MNAT1: variants seen among roughly 807,000 people sequenced by gnomAD.
MNAT1 encodes MNAT1 component of CDK activating kinase.
MNAT1 carries 43 observed loss-of-function variants against 42.0 expected under a neutral mutation model. The ratio of observed to expected loss-of-function variants is 1.02; its 90% CI spans 0.80 to 1.32. The LOEUF is 1.32. Ranked by LOEUF, MNAT1 falls within the 40% of genes most tolerant of loss-of-function variation. The pLI is 0.00. For synonymous variants in MNAT1, 118 were observed against 120.0 expected (o/e 0.98, Z 0.11); for missense variants, 306 against 350.4 (o/e 0.87, Z 1.01).
At chr14:60,769,410 C>A (rs1335124267) in intron 1 of MNAT1, among the ~76,000 whole-genome samples, 2 of 151,920 alleles carry the variant, frequency 1.3e-5, no homozygotes, top group Non-Finnish European at 2.9e-5. Context: ...TAGCTGGGAC[C>A]ACAGGCATAT....
Position 60,869,040 on chromosome 14 carries a change from A to ATATATATATATATATAT in MNAT1, c.688-10673_688-10672insATATATATATATATATT, listed in dbSNP as rs1465360826. On this transcript the variant is annotated intron_variant, in intron 6 of 7. Transcript: ENST00000261245. ...ATTTTATACATATATATATATATAT[A>ATATATATATATATATAT]TTTTTTTTTTTTTTTTTGAGACGGA... Among the ~76,000 whole-genome samples, 251 of 113,002 alleles carry ATATATATATATATATAT rather than the reference A, an allele frequency of 2.2e-3. 3 individuals carry two copies. Among genetic ancestry groups the ATATATATATATATATAT allele is most frequent in the Middle Eastern group, 0.01 (2 of 198 alleles). 74.1% of individuals were successfully genotyped at this position (113,002 alleles called of 152,430 possible). A position where few individuals can be genotyped will look rare whatever the true frequency, so the allele number is the denominator to read the frequency against.
At chr14:60,865,082 A>G (rs1214465361) in intron 6 of MNAT1, among the ~76,000 whole-genome samples, 1 of 152,050 alleles carries the variant, frequency 6.6e-6, no homozygotes, top group African/African-American at 2.4e-5. Flanking sequence ...TTCCTGATAC[A>G]TACCAACTAC....
chr14:60,808,664 C>T (rs1000513898), intron 4 of MNAT1: 2 of 245,472 alleles, frequency 8.1e-6, no homozygotes, highest in Middle Eastern at 1.2e-3. Flanking sequence ...GAAGTGGATC[C>T]GTAAGATAGG....
chr14:60,738,459 T>G (rs1407655761), intron 1 of MNAT1, among the ~76,000 whole-genome samples: 3 of 152,078 alleles, frequency 2.0e-5, no homozygotes, highest in African/African-American at 4.8e-5. Flanking sequence ...TTTCACTATG[T>G]TGGCCAGGCT....
chr14:60,753,786 A>G (rs563217226), intron 1 of MNAT1: 1 of 152,256 alleles, frequency 6.6e-6, no homozygotes, highest in Non-Finnish European at 1.5e-5. Context: ...CTTGAATCCA[A>G]GAGGGCTCCC....
intron 6 of MNAT1, among the ~76,000 whole-genome samples, chr14:60,820,619 T>G (rs989173470): frequency 2.0e-5 from 3 of 152,078 alleles, no homozygotes; most frequent in Non-Finnish European, 4.4e-5. Flanking sequence ...TTTTAAAATT[T>G]ATCTTGAATT....
chr14:60,828,486 C>G (rs2033118995), intron 6 of MNAT1, among the ~76,000 whole-genome samples: 1 of 151,768 alleles, frequency 6.6e-6, no homozygotes, highest in Non-Finnish European at 1.5e-5. Context: ...CTCATTTTCC[C>G]CTGCTGCACA....
chr14:60,826,197 C>T (rs749903279), intron 6 of MNAT1, among the ~76,000 whole-genome samples: 1 of 151,824 alleles, frequency 6.6e-6, no homozygotes. Flanking sequence ...ATTAAACTGT[C>T]AGGGAGTGGA....
chr14:60,850,726 T>C (rs1027083160), intron 6 of MNAT1, among the ~76,000 whole-genome samples: 1 of 152,244 alleles, frequency 6.6e-6, no homozygotes, highest in East Asian at 1.9e-4. Flanking sequence ...AGTTCCTCCA[T>C]GGATAACATG....
chr14:60,831,794 A>G (rs1051425182), intron 6 of MNAT1, among the ~76,000 whole-genome samples: 3 of 152,152 alleles, frequency 2.0e-5, no homozygotes, highest in African/African-American at 7.2e-5. Flanking sequence ...ACTCCCACCA[A>G]CAGTGTAAAA....
chr14:60,809,963 T>C (rs1362034894), intron 4 of MNAT1, among the ~76,000 whole-genome samples: 1 of 152,122 alleles, frequency 6.6e-6, no homozygotes, highest in Non-Finnish European at 1.5e-5. Context: ...TTTGGCAGAA[T>C]TCACCACTGC....
At chr14:60,766,513 A>T (rs1211124238) in intron 1 of MNAT1, among the ~76,000 whole-genome samples, 2 of 152,076 alleles carry the variant, frequency 1.3e-5, no homozygotes, top group African/African-American at 2.4e-5. Context: ...GGAGATCGAG[A>T]CCATCCTGGC....
At chr14:60,788,209 AT>A (rs1297929326) in intron 1 of MNAT1, among the ~76,000 whole-genome samples, 1 of 152,136 alleles carries the variant, frequency 6.6e-6, no homozygotes, top group Non-Finnish European at 1.5e-5. Context: ...GCACATATCC[AT>A]CAGAGGTCTT....
chr14:60,942,688 T>TA, intron 7 of MNAT1, among the ~76,000 whole-genome samples: 1 of 152,042 alleles, frequency 6.6e-6, no homozygotes, highest in East Asian at 1.9e-4. Flanking sequence ...TTTTTATGAA[T>TA]AAAAAAATAG....
At chr14:60,896,068 T>A (rs1424912249) in intron 7 of MNAT1, among the ~76,000 whole-genome samples, 1 of 152,182 alleles carries the variant, frequency 6.6e-6, no homozygotes, top group Non-Finnish European at 1.5e-5. Context: ...TAGGTGATTG[T>A]TACTGAGATC....
chr14:60,879,837 T>A lies in MNAT1; in HGVS notation c.809+2T>A. 1 of 1,611,678 alleles carries A rather than the reference T, an allele frequency of 6.2e-7. No homozygotes were observed. The highest frequency in any genetic ancestry group is 8.5e-7 in the Non-Finnish European group (1 of 1,178,882). On this transcript the variant is annotated splice_donor_variant, in intron 7 of 7. Coordinates refer to ENST00000261245, the MANE Select transcript of MNAT1 (RefSeq NM_002431.4). LOFTEE classifies it high-confidence loss of function. Reference sequence around the variant, plus strand: ...GCTTGAGATGCTAGGAAGACTTGGGTATGTGTCCTAAAGAACTTTACATTG... The same window carrying A: ...GCTTGAGATGCTAGGAAGACTTGGGAATGTGTCCTAAAGAACTTTACATTG...
At chr14:60,847,363 C>T (rs1171222444) in intron 6 of MNAT1, among the ~76,000 whole-genome samples, 5 of 148,248 alleles carry the variant, frequency 3.4e-5, no homozygotes, top group African/African-American at 1.3e-4. Context: ...AAGATCGCAC[C>T]ACTGCAGTCT....
chr14:60,944,535 T>C (rs2036236074), intron 7 of MNAT1, among the ~76,000 whole-genome samples: 1 of 152,102 alleles, frequency 6.6e-6, no homozygotes, highest in South Asian at 2.1e-4. Context: ...AGCCACTGAG[T>C]GTGTGGTATT....
chr14:60,794,832 C>T (rs1160368406), intron 1 of MNAT1, among the ~76,000 whole-genome samples: 2 of 151,728 alleles, frequency 1.3e-5, no homozygotes, highest in East Asian at 1.9e-4. Context: ...GTTAAATACA[C>T]ACTTGGAAGA....
Sources: allele counts gnomAD v4.1 joint callset (sites outside exome capture counted in the v4.1 genomes callset), GRCh38; gene constraint gnomAD v4.1.1; transcripts MANE v1.5; gene names NCBI Gene and HGNC (gene_info 2026-07-23, HGNC 2026-07-21).